Variants in TENT5B observed in about 807,000 individuals in gnomAD.
TENT5B encodes the protein terminal nucleotidyltransferase 5B.
In TENT5B, 12 loss-of-function variants were observed where a neutral mutation model predicts 21.7. The observed-to-expected ratio is 0.55, with a 90% CI of 0.36 to 0.90. The LOEUF (loss-of-function observed/expected upper bound fraction) is 0.90. Among genes scored for constraint, TENT5B ranks in the 40% least tolerant of loss-of-function variants. The probability of loss-of-function intolerance (pLI) is 0.01; values close to 1 mark genes in which losing one functional copy is unlikely to be tolerated. For missense variants in TENT5B, 540 were observed against 601.5 expected (o/e 0.90, Z 1.07); for synonymous variants, 262 against 266.6 (o/e 0.98, Z 0.17).
chr1:27,012,847 G>A lies in TENT5B; in HGVS notation c.-177C>T, dbSNP rs905099077. ...ACGGCGACGACTAACCGACCCTAGC[G>A]CCTGCAGCCCGCGGCCCAGCGGACT... is the stretch of plus-strand genomic sequence containing the variant. On this transcript the variant is annotated 5_prime_UTR_variant, in exon 1 of 2. Coordinates refer to ENST00000289166, the MANE Select transcript of TENT5B (RefSeq NM_052943.4). The A allele has an allele frequency of 1.1e-4, 92 of 838,832 alleles. No individual in the cohort carries two copies. Among genetic ancestry groups the A allele is most frequent in the Non-Finnish European group, 1.4e-4 (85 of 590,348 alleles). The allele number at this position is 838,832 out of a possible 1,614,324, so 52.0% of individuals were successfully genotyped here.
Position 27,005,989 on chromosome 1 carries a change from T to C in TENT5B, c.1233A>G (p.Gln411=). Residue 411 remains glutamine (Q), a synonymous_variant, in exon 2 of 2, where the codon CAA becomes CAG. Transcript: ENST00000289166. ...ATVNYYVTPV[Q]PLLAHAYPTW... ...TGGGATAGGCGTGAGCCAGGAGAGG[T>C]TGCACGGGGGTCACGTAGTAATTGA... is the stretch of plus-strand genomic sequence containing the variant. The C allele has an allele frequency of 1.9e-6, 3 of 1,593,508 alleles. No individual in the cohort carries two copies. Among genetic ancestry groups the C allele is most frequent in the Non-Finnish European group, 2.6e-6 (3 of 1,167,458 alleles).
At chr1:27,007,675 C>T (rs928946594) in intron 1 of TENT5B, among the ~76,000 whole-genome samples, 3 of 152,092 alleles carry the variant, frequency 2.0e-5, no homozygotes, top group Non-Finnish European at 2.9e-5. Context: ...TGAGCCACCG[C>T]GCTCGGTGGT....
At position 27,006,064 on chromosome 1, in the gene TENT5B, G is replaced by T. The variant is rs753604624; in HGVS notation, c.1158C>A (p.Ala386=). ...ALAEQGPAAT[A]ALAWRPPGTD... The stretch of plus-strand genomic sequence containing the variant: ...TGCCTGGAGGGCGCCAGGCCAGGGC[G>T]GCAGTGGCAGCTGGGCCCTGCTCAG... Residue 386 remains alanine, a synonymous_variant, in exon 2 of 2, where the codon GCC becomes GCA. Transcript: ENST00000289166. The surrounding 1 kb of genome is among the most constrained non-coding windows in gnomAD (Gnocchi z 9.4). 1 of 1,611,428 alleles carries T rather than the reference G, an allele frequency of 6.2e-7. No individual in the cohort carries two copies. Among genetic ancestry groups the T allele is most frequent in the East Asian group, 2.2e-5 (1 of 44,850 alleles).
At position 27,012,659 on chromosome 1, in the gene TENT5B, C is replaced by A; in HGVS notation, c.12G>T (p.Ser4=). The A allele has an allele frequency of 6.8e-7, 1 of 1,468,718 alleles. No individual in the cohort carries two copies. Among genetic ancestry groups the A allele is most frequent in the Non-Finnish European group, 8.9e-7 (1 of 1,123,330 alleles). The allele number at this position is 1,468,718 out of a possible 1,614,324, so 91.0% of individuals were successfully genotyped here. The change falls in exon 1 of 2, where the codon TCG becomes TCT. Residue 4 remains serine (S), a synonymous_variant. Coordinates refer to ENST00000289166, the MANE Select transcript of TENT5B (RefSeq NM_052943.4). MMP[S]ESGAERRDRA... is the part of the protein sequence containing the mutation. ...GGTCCCTGCGCTCAGCTCCGCTCTCCGACGGCATCATCCGCCCGGCCCCCG... is the reference window on the plus strand; with the variant it reads ...GGTCCCTGCGCTCAGCTCCGCTCTCAGACGGCATCATCCGCCCGGCCCCCG...
chr1:27,012,359 G>C, intron 1 of TENT5B, 48 bp downstream of exon 1: 7 of 1,585,786 alleles, frequency 4.4e-6, no homozygotes, highest in Non-Finnish European at 6.0e-6. Flanking sequence ...CCAGCCACGA[G>C]AGCCTCAGAA....
intron 1 of TENT5B, among the ~76,000 whole-genome samples, chr1:27,008,376 C>T (rs60549197): frequency 6.6e-6 from 1 of 152,098 alleles, no homozygotes; most frequent in Non-Finnish European, 1.5e-5. Flanking sequence ...AGAAGGCAAG[C>T]TGTGGTGGGG....
chr1:27,012,157 G>T (rs1236444941), intron 1 of TENT5B, among the ~76,000 whole-genome samples: 1 of 152,128 alleles, frequency 6.6e-6, no homozygotes, highest in Admixed American at 6.5e-5. Context: ...TCCCAGCCAG[G>T]CCCTGGGTGA....
Position 27,012,679 on chromosome 1 carries a change from C to T in TENT5B, c.-9G>A, listed in dbSNP as rs1346856273. ...CTCTCCGACGGCATCATCCGCCCGG[C>T]CCCCGGGCCCCGACGGCAGAAACCG... On this transcript the variant is annotated 5_prime_UTR_variant, in exon 1 of 2. Coordinates refer to ENST00000289166, the MANE Select transcript of TENT5B (RefSeq NM_052943.4). The T allele has an allele frequency of 1.4e-5, 20 of 1,453,562 alleles. No individual in the cohort carries two copies. Among genetic ancestry groups the T allele is most frequent in the Non-Finnish European group, 1.7e-5 (19 of 1,117,598 alleles). 90.0% of individuals were successfully genotyped at this position (1,453,562 alleles called of 1,614,324 possible). A position where few individuals can be genotyped will look rare whatever the true frequency, so the allele number is the denominator to read the frequency against.
intron 1 of TENT5B, 88 bp from the exon 2 acceptor site, chr1:27,007,045 A>G: frequency 3.6e-6 from 4 of 1,119,324 alleles, no homozygotes; most frequent in East Asian, 4.3e-5. Context: ...GGTAACTTCA[A>G]CCACTATTGG....
Position 27,005,692 on chromosome 1 carries a change from A to G in TENT5B, c.*252T>C. ...GACTTCCAAGACAAATGGCGCCTGC[A>G]CCCCACCGGCATGCTGGTCCAAAAG... On this transcript the variant is annotated 3_prime_UTR_variant, in exon 2 of 2. Transcript: ENST00000289166. 1 of 468,536 alleles carries G rather than the reference A, an allele frequency of 2.1e-6. No homozygotes were observed. Among genetic ancestry groups the G allele is most frequent in the Non-Finnish European group, 3.7e-6 (1 of 271,562 alleles). The allele number at this position is 468,536 out of a possible 1,614,324, so 29.0% of individuals were successfully genotyped here. A position where few individuals can be genotyped will look rare whatever the true frequency, so the allele number is the denominator to read the frequency against.
Position 27,009,120 on chromosome 1 carries a change from G to C in TENT5B, c.265-2163C>G, listed in dbSNP as rs538109462. On this transcript the variant is annotated intron_variant, in intron 1 of 1. Transcript: ENST00000289166. ...TAGGTGGGACTACAGGTGCGTGCGTGCCACCACACCCAGCAATTTTTTATT... is the reference window on the plus strand; with the variant it reads ...TAGGTGGGACTACAGGTGCGTGCGTCCCACCACACCCAGCAATTTTTTATT... Among the ~76,000 whole-genome samples the C allele has an allele frequency of 4.0e-5, 6 of 149,486 alleles. No individual in the cohort carries two copies. In the South Asian group the frequency reaches 1.3e-3, roughly 32 times the overall value.
chr1:27,011,264 G>A (rs533706971), intron 1 of TENT5B, among the ~76,000 whole-genome samples: 22 of 152,286 alleles, frequency 1.4e-4, no homozygotes, highest in Non-Finnish European at 2.1e-4. Context: ...CCCCCAGCAG[G>A]CAACCCTCCC....
In TENT5B at chr1:27,006,386, A is replaced by C. The variant is rs528812033; in HGVS notation, c.836T>G (p.Leu279Arg). 1.8e-5 allele frequency: 29 copies of C among 1,612,630 alleles called. No homozygotes were observed. Among genetic ancestry groups the C allele is most frequent in the Admixed American group, 1.5e-4 (9 of 60,004 alleles). Reference protein sequence around the residue: ...RSPEEIRGGGLLKYCHLLVRG... With the variant: ...RSPEEIRGGGRLKYCHLLVRG... ...CACCAGGAGGTGGCAGTACTTGAGG[A>C]GGCCACCACCTCGGATCTCCTCGGG... The change falls in exon 2 of 2, where the codon CTC becomes CGC. Residue 279 changes from leucine to arginine, a missense_variant. Coordinates refer to ENST00000289166, the MANE Select transcript of TENT5B (RefSeq NM_052943.4). This position sits in a 1 kb window ranked among gnomAD's most constrained non-coding sequence, Gnocchi z 9.4.
At chr1:27,012,373 A>AT in intron 1 of TENT5B, 34 bp downstream of exon 1, 1 of 1,598,850 alleles carries the variant, frequency 6.3e-7, no homozygotes, top group Non-Finnish European at 8.5e-7. Flanking sequence ...CTCAGAAGGG[A>AT]TTCCCCCACA....
At position 27,005,939 on chromosome 1, in the gene TENT5B, C is replaced by A; in HGVS notation, c.*5G>T. 1 of 1,551,594 alleles carries A rather than the reference C, an allele frequency of 6.4e-7. No homozygotes were observed. The highest frequency in any genetic ancestry group is 8.7e-7 in the Non-Finnish European group (1 of 1,145,268). ...CAGTCCCTTCCCTTCTGGCCAGGGT[C>A]TGAGTCAGTTACAAGGCAGCCAGGT... is the stretch of plus-strand genomic sequence containing the variant. On this transcript the variant is annotated 3_prime_UTR_variant, in exon 2 of 2. Transcript: ENST00000289166.
In TENT5B at chr1:27,012,793, C is replaced by G; in HGVS notation, c.-123G>C. The G allele has an allele frequency of 1.6e-6, 2 of 1,234,636 alleles. No individual in the cohort carries two copies. Among genetic ancestry groups the G allele is most frequent in the Non-Finnish European group, 2.1e-6 (2 of 947,558 alleles). The allele number at this position is 1,234,636 out of a possible 1,614,324, so 76.5% of individuals were successfully genotyped here. A position where few individuals can be genotyped will look rare whatever the true frequency, so the allele number is the denominator to read the frequency against. On this transcript the variant is annotated 5_prime_UTR_variant, in exon 1 of 2. Transcript: ENST00000289166. ...GAAGGCAGGGACGGGGCGGCAACGACGGCGAGACAAAGCCAGGGAACACCT... is the reference window on the plus strand; with the variant it reads ...GAAGGCAGGGACGGGGCGGCAACGAGGGCGAGACAAAGCCAGGGAACACCT...
intron 1 of TENT5B, among the ~76,000 whole-genome samples, chr1:27,007,740 A>G (rs1037351077): frequency 1.3e-5 from 2 of 152,194 alleles, no homozygotes; most frequent in African/African-American, 4.8e-5. Context: ...ACAGTTCTGT[A>G]TCAGGCACTG....
rs372658395 is a variant in TENT5B at position 27,006,106 on chromosome 1, C to T, written c.1116G>A (p.Leu372=). Residue 372 remains leucine (L), a synonymous_variant, in exon 2 of 2, where the codon CTG becomes CTA. Transcript: ENST00000289166. The surrounding 1 kb of genome is among the most constrained non-coding windows in gnomAD (Gnocchi z 9.4). The part of the protein sequence containing the change: ...RRQTLDLIAA[L]ALQALAEQGP... ...CCTGCTCAGCCAGTGCCTGCAGCGC[C>T]AGTGCGGCAATGAGGTCCAGCGTCT... is the stretch of plus-strand genomic sequence containing the variant. 2 of 1,609,298 alleles carry T rather than the reference C, an allele frequency of 1.2e-6. No homozygotes were observed. Among genetic ancestry groups the T allele is most frequent in the Non-Finnish European group, 1.7e-6 (2 of 1,177,356 alleles).
chr1:27,008,033 C>T (rs1341167475), intron 1 of TENT5B, among the ~76,000 whole-genome samples: 3 of 152,038 alleles, frequency 2.0e-5, no homozygotes, highest in Admixed American at 6.6e-5. Context: ...TTTTTGCTCT[C>T]GGATGAGGAA....
Sources: gnomAD v4.1 joint callset for allele counts (sites outside exome capture counted in the v4.1 genomes callset) on GRCh38, gnomAD v4.1.1 for gene constraint, Gnocchi (gnomAD v3.1) non-coding constraint, MANE v1.5 for transcripts, NCBI Gene and HGNC (gene_info 2026-07-23, HGNC 2026-07-21) for gene names.